Variants in CFAP299 observed in about 807,000 individuals in gnomAD.
The protein encoded by CFAP299 is cilia- and flagella-associated protein 299.
Under a neutral mutation model 27.0 loss-of-function variants are expected in CFAP299, and 21 were observed. That is an observed-to-expected ratio of 0.78 (90% CI 0.55 to 1.12). CFAP299 has a LOEUF of 1.12. CFAP299 is among the 50% of genes most tolerant of loss of function. CFAP299 has a pLI of 0.00. For missense variants in CFAP299, 310 were observed against 276.6 expected (o/e 1.12, Z -0.86); for synonymous variants, 104 against 98.1 (o/e 1.06, Z -0.36).
upstream of CFAP299, among the ~76,000 whole-genome samples, chr4:80,332,188 G>A (rs552232621): frequency 6.6e-6 from 1 of 152,312 alleles, no homozygotes; most frequent in African/African-American, 2.4e-5. Context: ...GGTGAAAATC[G>A]TGGAGCAGTG....
At chr4:80,386,377 G>C in intron 2 of CFAP299, 2 of 1,504,320 alleles carry the variant, frequency 1.3e-6, no homozygotes, top group Non-Finnish European at 1.8e-6. Flanking sequence ...GGCTTGCCCG[G>C]GACGGCCTCG....
intron 2 of CFAP299, among the ~76,000 whole-genome samples, chr4:80,573,408 GGGTTGTCTCTTTACTTTGTT>G (rs1735691604): frequency 6.6e-6 from 1 of 151,986 alleles, no homozygotes; most frequent in African/African-American, 2.4e-5. Flanking sequence ...TCCATTCTGT[GGGTTGTCTCTTTACTTTGTT>G]GATTGTTTTG....
intron 4 of CFAP299, 106 bp from the exon 5 acceptor site, chr4:80,944,704 G>A (rs1737379872): frequency 6.6e-6 from 5 of 760,346 alleles, no homozygotes; most frequent in South Asian, 5.8e-5. Flanking sequence ...TGGCATGTTT[G>A]TATCCACTTA....
At chr4:80,433,168 A>T (rs926561667) in intron 2 of CFAP299, among the ~76,000 whole-genome samples, 2 of 136,530 alleles carry the variant, frequency 1.5e-5, no homozygotes, top group Non-Finnish European at 3.0e-5. Flanking sequence ...ACCACAGAGG[A>T]AAAAAAAAGA....
At chr4:80,459,613 G>C (rs1328074510) in intron 2 of CFAP299, among the ~76,000 whole-genome samples, 1 of 152,002 alleles carries the variant, frequency 6.6e-6, no homozygotes, top group Non-Finnish European at 1.5e-5. Flanking sequence ...CAAGAATTCA[G>C]GTTGCTGTAG....
At chr4:80,693,852 AAC>A (rs1213237323) in intron 3 of CFAP299, among the ~76,000 whole-genome samples, 2 of 152,102 alleles carry the variant, frequency 1.3e-5, no homozygotes, top group East Asian at 1.9e-4. Flanking sequence ...TAAAAAAAAA[AAC>A]ACAGAGCATT....
At chr4:80,572,658 C>T (rs989666966) in intron 2 of CFAP299, among the ~76,000 whole-genome samples, 2 of 151,592 alleles carry the variant, frequency 1.3e-5, no homozygotes, top group African/African-American at 2.4e-5. Context: ...GCTGGGATTA[C>T]AGACATGCGT....
intron 4 of CFAP299, among the ~76,000 whole-genome samples, chr4:80,885,361 G>A (rs1034341946): frequency 2.0e-5 from 3 of 152,154 alleles, no homozygotes; most frequent in Non-Finnish European, 4.4e-5. Context: ...GAACTACTGC[G>A]GAATGTGACC....
intron 3 of CFAP299, among the ~76,000 whole-genome samples, chr4:80,734,114 T>TCA (rs1170972271): frequency 2.6e-5 from 4 of 152,182 alleles, no homozygotes; most frequent in African/African-American, 9.6e-5. Flanking sequence ...TTTCTCCACA[T>TCA]CCTCACCAGC....
chr4:80,724,846 A>C (rs1440125654), intron 3 of CFAP299, among the ~76,000 whole-genome samples: 3 of 123,392 alleles, frequency 2.4e-5, no homozygotes, highest in Admixed American at 8.2e-5. Context: ...TATTTCCTTC[A>C]TTCCTTCCTT....
At chr4:80,752,542 G>T (rs1724997163) in intron 3 of CFAP299, among the ~76,000 whole-genome samples, 1 of 149,214 alleles carries the variant, frequency 6.7e-6, no homozygotes, top group African/African-American at 2.5e-5. Flanking sequence ...TTATACTTAA[G>T]GTGTGCTTTT....
chr4:80,717,012 C>T (rs959807637), intron 3 of CFAP299, among the ~76,000 whole-genome samples: 3 of 152,130 alleles, frequency 2.0e-5, no homozygotes, highest in Non-Finnish European at 2.9e-5. Context: ...GAAATGTATT[C>T]ATTTACCCAT....
At chr4:80,953,605 T>G (rs1433477964) in intron 5 of CFAP299, among the ~76,000 whole-genome samples, 1 of 152,160 alleles carries the variant, frequency 6.6e-6, no homozygotes. Context: ...CCTGAAAAAC[T>G]GACTTTAATT....
intron 3 of CFAP299, among the ~76,000 whole-genome samples, chr4:80,623,239 G>A (rs1015814333): frequency 1.3e-5 from 2 of 150,546 alleles, no homozygotes; most frequent in African/African-American, 2.5e-5. Flanking sequence ...AGATTCTAAA[G>A]TATGTAAGTA....
chr4:80,595,067 G>T (rs373035398), intron 3 of CFAP299, among the ~76,000 whole-genome samples: 56 of 152,228 alleles, frequency 3.7e-4, no homozygotes, highest in African/African-American at 1.3e-3. Context: ...CCAGTCCTTT[G>T]CCTGGGTGTT....
At chr4:80,899,163 A>G (rs1163849082) in intron 4 of CFAP299, among the ~76,000 whole-genome samples, 2 of 152,244 alleles carry the variant, frequency 1.3e-5, no homozygotes, top group Admixed American at 6.5e-5. Flanking sequence ...TGAAGATTTT[A>G]TGAGATAATA....
At chr4:80,636,453 G>C (rs1739469343) in intron 3 of CFAP299, among the ~76,000 whole-genome samples, 1 of 152,114 alleles carries the variant, frequency 6.6e-6, no homozygotes. Context: ...TTAGCATTAT[G>C]CTTCTTTGCA....
At chr4:80,683,276 G>A (rs1303117153) in intron 3 of CFAP299, among the ~76,000 whole-genome samples, 2 of 152,096 alleles carry the variant, frequency 1.3e-5, no homozygotes, top group Admixed American at 6.5e-5. Context: ...CTGTACAGGT[G>A]GGTTAATTAA....
In CFAP299 at chr4:80,774,413, G is replaced by A. The variant is rs371005083; in HGVS notation, c.334-95580G>A. Among the ~76,000 whole-genome samples the A allele has an allele frequency of 6.6e-5, 10 of 151,756 alleles. No individual in the cohort carries two copies. In the East Asian group the frequency reaches 7.7e-4, roughly 12 times the overall value. On this transcript the variant is annotated intron_variant, in intron 3 of 5. Transcript: ENST00000358105. ...GCACTTTCAAACTCCCTCTTCCAGT[G>A]GCATGTATCAATTTATATTTTTTCT...
Sources: allele counts gnomAD v4.1 joint callset (sites outside exome capture counted in the v4.1 genomes callset), GRCh38; gene constraint gnomAD v4.1.1; transcripts MANE v1.5; gene names NCBI Gene and HGNC (gene_info 2026-07-23, HGNC 2026-07-21).